The following ABCB1 variants were observed in gnomAD, a reference collection of about 807,000 sequenced individuals.
ABCB1 encodes ATP binding cassette subfamily B member 1, also known as ATP-dependent translocase ABCB1.
Under a neutral mutation model 142.0 loss-of-function variants are expected in ABCB1, and 69 were observed. That is an observed-to-expected ratio of 0.49 (90% CI 0.40 to 0.59). The LOEUF is 0.59. Among genes scored for constraint, ABCB1 ranks in the 20% least tolerant of loss-of-function variants. ABCB1 has a pLI of 0.00. For missense variants in ABCB1, 1,326 were observed against 1,554.7 expected (o/e 0.85, Z 2.47); for synonymous variants, 532 against 539.2 (o/e 0.99, Z 0.18).
chr7:87,629,716 G>T (rs1056528713), intron 1 of ABCB1, among the ~76,000 whole-genome samples: 1 of 151,660 alleles, frequency 6.6e-6, no homozygotes, highest in Non-Finnish European at 1.5e-5. Flanking sequence ...TCACGAGGTC[G>T]GAGTTCGAGA....
intron 1 of ABCB1, among the ~76,000 whole-genome samples, chr7:87,638,027 T>C (rs1268061414): frequency 6.6e-6 from 1 of 152,158 alleles, no homozygotes; most frequent in East Asian, 1.9e-4. Context: ...TGAGAATTTG[T>C]ATCATAAATG....
At chr7:87,594,896 G>A (rs1819133960) in intron 3 of ABCB1, among the ~76,000 whole-genome samples, 1 of 152,072 alleles carries the variant, frequency 6.6e-6, no homozygotes, top group Non-Finnish European at 1.5e-5. Context: ...TAAAAAAATT[G>A]CTGTGTTATG....
At chr7:87,616,033 T>C (rs1820022001) in intron 1 of ABCB1, among the ~76,000 whole-genome samples, 1 of 152,242 alleles carries the variant, frequency 6.6e-6, no homozygotes, top group Non-Finnish European at 1.5e-5. Flanking sequence ...TTTATACCTT[T>C]ATAGCTATTG....
chr7:87,544,766 C>A, intron 16 of ABCB1, 57 bp downstream of exon 16: 1 of 1,586,272 alleles, frequency 6.3e-7, no homozygotes, highest in East Asian at 2.2e-5. Flanking sequence ...CCTAGCCCAC[C>A]AAACTAGGGA....
At chr7:87,697,341 CT>C (rs1393178738) in intron 1 of ABCB1, among the ~76,000 whole-genome samples, 1 of 152,144 alleles carries the variant, frequency 6.6e-6, no homozygotes, top group Non-Finnish European at 1.5e-5. Flanking sequence ...ATACTCTTTC[CT>C]TAAGATTCTT....
At chr7:87,514,791 A>T (rs1307818467) in intron 25 of ABCB1, among the ~76,000 whole-genome samples, 1 of 152,196 alleles carries the variant, frequency 6.6e-6, no homozygotes, top group Non-Finnish European at 1.5e-5. Context: ...TAGCCCATTC[A>T]TTGCTAGATT....
At chr7:87,527,866 AG>A (rs1243831787) in intron 21 of ABCB1, among the ~76,000 whole-genome samples, 5 of 152,170 alleles carry the variant, frequency 3.3e-5, no homozygotes, top group Non-Finnish European at 7.4e-5. Context: ...ACTATGTATT[AG>A]TCTGTTCTCA....
At chr7:87,549,721 G>C (rs1584870717) in intron 13 of ABCB1, 130 bp downstream of exon 13, 1 of 1,356,104 alleles carries the variant, frequency 7.4e-7, no homozygotes. Context: ...TTTCAAATCT[G>C]AAGTAATCTT....
At chr7:87,681,032 T>C (rs1826879548) in intron 1 of ABCB1, among the ~76,000 whole-genome samples, 1 of 150,432 alleles carries the variant, frequency 6.6e-6, no homozygotes, top group African/African-American at 2.5e-5. Flanking sequence ...ATATCAGGAA[T>C]GAAAGAGGGC....
At chr7:87,507,947 T>C (rs1251559210) in intron 26 of ABCB1, among the ~76,000 whole-genome samples, 1 of 152,058 alleles carries the variant, frequency 6.6e-6, no homozygotes, top group African/African-American at 2.4e-5. Flanking sequence ...TACTCATAGA[T>C]GAAAAGTGGC....
upstream of ABCB1, among the ~76,000 whole-genome samples, chr7:87,605,123 C>T (rs1819600540): frequency 6.6e-6 from 1 of 152,148 alleles, no homozygotes. Flanking sequence ...TTGCCATGAA[C>T]TATCTCCCTT....
intron 1 of ABCB1, among the ~76,000 whole-genome samples, chr7:87,680,421 T>C (rs1469401930): frequency 6.6e-6 from 1 of 150,816 alleles, no homozygotes; most frequent in Non-Finnish European, 1.5e-5. Flanking sequence ...AAGCAGCACT[T>C]AGAAGGAAAT....
At position 87,526,035 on chromosome 7, in the gene ABCB1, C is replaced by T. The variant is rs559928875; in HGVS notation, c.2686-5159G>A. ...GCACTGCTTCTCCTATATCTTCTTC[C>T]GCATTGTTTGGCAGTGGTTTGGAAA... On this transcript the variant is annotated intron_variant, in intron 21 of 27. Transcript: ENST00000622132. Among the ~76,000 whole-genome samples, 15 of 152,166 alleles carry T rather than the reference C, an allele frequency of 9.9e-5. No individual in the cohort carries two copies. In the South Asian group the frequency reaches 1.2e-3, roughly 13 times the overall value.
At position 87,709,524 on chromosome 7, in the gene ABCB1, G is replaced by T. The variant is rs951295247; in HGVS notation, c.-331+3637C>A. On this transcript the variant is annotated intron_variant, in intron 1 of 28. Coordinates refer to the ABCB1 transcript ENST00000265724. ...TTGAGCTTGGTAGGTAAATTGACTC[G>T]CATGCTAACCATACCCTTATCATTC... The T allele has an allele frequency of 2.9e-5, 29 of 985,006 alleles. No individual in the cohort carries two copies. In the African/African-American group the frequency reaches 4.2e-4, roughly 14 times the overall value. 61.0% of individuals were successfully genotyped at this position (985,006 alleles called of 1,614,324 possible). A position where few individuals can be genotyped will look rare whatever the true frequency, so the allele number is the denominator to read the frequency against.
chr7:87,621,597 C>T (rs1820224148), intron 1 of ABCB1, among the ~76,000 whole-genome samples: 1 of 151,682 alleles, frequency 6.6e-6, no homozygotes, highest in Admixed American at 6.6e-5. Context: ...GTGTGAAAAC[C>T]AGAAATTATT....
At chr7:87,684,232 A>C (rs1210929542) in intron 1 of ABCB1, among the ~76,000 whole-genome samples, 2 of 152,164 alleles carry the variant, frequency 1.3e-5, no homozygotes, top group Non-Finnish European at 2.9e-5. Context: ...ACAGATTGGA[A>C]AACTCGTTGT....
At chr7:87,630,549 A>G (rs1048655594) in intron 1 of ABCB1, among the ~76,000 whole-genome samples, 1 of 152,196 alleles carries the variant, frequency 6.6e-6, no homozygotes, top group Non-Finnish European at 1.5e-5. Flanking sequence ...CATAATATAC[A>G]GACATCAAAA....
intron 1 of ABCB1, among the ~76,000 whole-genome samples, chr7:87,660,089 G>T (rs975137192): frequency 2.0e-5 from 3 of 151,978 alleles, no homozygotes; most frequent in African/African-American, 4.8e-5. Context: ...GGGTTTTGTT[G>T]TCAAGGTTAT....
intron 5 of ABCB1, 105 bp from the exon 6 acceptor site, chr7:87,567,081 C>T (rs1388253860): frequency 2.9e-6 from 3 of 1,031,946 alleles, no homozygotes; most frequent in Admixed American, 3.8e-5. Context: ...GGGTATCTCG[C>T]CATCCTTAAC....
Sources: gnomAD v4.1 joint callset for allele counts (sites outside exome capture counted in the v4.1 genomes callset) on GRCh38, gnomAD v4.1.1 for gene constraint, MANE v1.5 for transcripts, NCBI Gene and HGNC (gene_info 2026-07-23, HGNC 2026-07-21) for gene names.